Variants in AGTPBP1 observed in about 807,000 individuals in gnomAD.
AGTPBP1 encodes ATP/GTP binding carboxypeptidase 1.
A neutral mutation model predicts 143.9 loss-of-function variants in AGTPBP1; 70 were observed. The ratio of observed to expected loss-of-function variants is 0.49; its 90% CI spans 0.40 to 0.59. The LOEUF (loss-of-function observed/expected upper bound fraction) is 0.59. AGTPBP1 is among the 20% of genes least tolerant of loss of function. The pLI, the probability that AGTPBP1 is intolerant of heterozygous loss-of-function variation, is 0.00. For missense variants in AGTPBP1, 1,229 were observed against 1,464.5 expected (o/e 0.84, Z 2.62); for synonymous variants, 463 against 500.2 (o/e 0.93, Z 0.99).
chr9:85,792,478 C>CT, the AGTPBP1 span, among the ~76,000 whole-genome samples: 2 of 152,206 alleles, frequency 1.3e-5, no homozygotes, highest in African/African-American at 4.8e-5. Flanking sequence ...CATTCAAGGC[C>CT]TGGGGCTAAG....
At chr9:85,722,396 T>C (rs1361540764) in intron 1 of AGTPBP1, among the ~76,000 whole-genome samples, 4 of 152,184 alleles carry the variant, frequency 2.6e-5, no homozygotes, top group African/African-American at 9.7e-5. Context: ...TCTAATCTTG[T>C]CTTCTTGCTT....
At chr9:85,562,535 T>G (rs540433942) in intron 25 of AGTPBP1, among the ~76,000 whole-genome samples, 41 of 152,334 alleles carry the variant, frequency 2.7e-4, no homozygotes, top group African/African-American at 9.6e-4. Context: ...AAAATAATTT[T>G]ATAGATTAGT....
chr9:85,576,203 CTTCT>C (rs1263622269), intron 24 of AGTPBP1, among the ~76,000 whole-genome samples: 2 of 152,104 alleles, frequency 1.3e-5, no homozygotes, highest in African/African-American at 4.8e-5. Flanking sequence ...TAATATACTC[CTTCT>C]TTATCATTTA....
At chr9:85,761,422 A>G in the AGTPBP1 span, among the ~76,000 whole-genome samples, 1 of 152,218 alleles carries the variant, frequency 6.6e-6, no homozygotes, top group Non-Finnish European at 1.5e-5. Flanking sequence ...GTACCAAAAC[A>G]GAGATATAGA....
chr9:85,579,569 T>C (rs1828110545), intron 23 of AGTPBP1, among the ~76,000 whole-genome samples: 1 of 144,914 alleles, frequency 6.9e-6, no homozygotes, highest in African/African-American at 2.7e-5. Context: ...TATAGAAGTA[T>C]ACCCTGAGAA....
chr9:85,723,524 T>C (rs1838269308), intron 1 of AGTPBP1, among the ~76,000 whole-genome samples: 1 of 152,192 alleles, frequency 6.6e-6, no homozygotes, highest in South Asian at 2.1e-4. Flanking sequence ...AATTTCCTGG[T>C]CTGTGGGTTG....
At chr9:85,568,792 T>TA (rs1326978226) in intron 25 of AGTPBP1, among the ~76,000 whole-genome samples, 1 of 152,114 alleles carries the variant, frequency 6.6e-6, no homozygotes, top group African/African-American at 2.4e-5. Flanking sequence ...GGGTTAAGGG[T>TA]AAGCGAGAGG....
At chr9:85,674,414 A>T (rs529208710) in intron 6 of AGTPBP1, among the ~76,000 whole-genome samples, 29 of 152,218 alleles carry the variant, frequency 1.9e-4, no homozygotes, top group African/African-American at 7.0e-4. Flanking sequence ...TATTTTTAAA[A>T]TCAATATCTT....
intron 17 of AGTPBP1, among the ~76,000 whole-genome samples, chr9:85,612,326 T>C (rs1830361764): frequency 6.6e-6 from 1 of 152,040 alleles, no homozygotes; most frequent in Non-Finnish European, 1.5e-5. Context: ...GAGTTAATAA[T>C]CATATCGATG....
chr9:85,547,086 G>T lies in AGTPBP1; in HGVS notation c.*23C>A. The T allele has an allele frequency of 1.9e-6, 3 of 1,577,730 alleles. No homozygotes were observed. In the South Asian group the frequency reaches 3.5e-5, roughly 19 times the overall value. ...CAAGATATTTCATTTATTCTTTGCA[G>T]TTAACAAGAGATGGCAGCGGGCTCA... On this transcript the variant is annotated 3_prime_UTR_variant, in exon 26 of 26. Coordinates refer to ENST00000357081, the MANE Select transcript of AGTPBP1 (RefSeq NM_001330701.2).
intron 2 of AGTPBP1, among the ~76,000 whole-genome samples, chr9:85,701,089 TG>T (rs1464601711): frequency 6.6e-6 from 1 of 151,932 alleles, no homozygotes; most frequent in African/African-American, 2.4e-5. Flanking sequence ...GGCTAAGTTT[TG>T]TATTAGAGAT....
At chr9:85,550,460 G>A (rs1251080853) in intron 25 of AGTPBP1, among the ~76,000 whole-genome samples, 1 of 152,076 alleles carries the variant, frequency 6.6e-6, no homozygotes, top group Non-Finnish European at 1.5e-5. Flanking sequence ...TGGTAATCAT[G>A]TGCTCCTCAT....
Position 85,683,304 on chromosome 9 carries a change from T to C in AGTPBP1, c.158-1969A>G, listed in dbSNP as rs1375124597. Among the ~76,000 whole-genome samples the C allele has an allele frequency of 3.3e-5, 5 of 152,314 alleles. No homozygotes were observed. In the South Asian group the frequency reaches 8.3e-4, roughly 25 times the overall value. On this transcript the variant is annotated intron_variant, in intron 3 of 25. Transcript: ENST00000357081. ...CAGCCCTGCTGCCTCCATCAAAAAA[T>C]GTTGAGTTGCAAAATAAAACATTGT...
intron 2 of AGTPBP1, among the ~76,000 whole-genome samples, chr9:85,697,459 T>TTTTTTTTTTTTG (rs1836332128): frequency 1.5e-5 from 2 of 135,654 alleles, no homozygotes; most frequent in Non-Finnish European, 3.2e-5. Context: ...TTTTTTTTTT[T>TTTTTTTTTTTTG]TTTTTTTTTT....
chr9:85,687,510 C>T (rs1027369815), intron 3 of AGTPBP1, among the ~76,000 whole-genome samples: 1 of 151,738 alleles, frequency 6.6e-6, no homozygotes, highest in South Asian at 2.1e-4. Context: ...TGAAATCAAT[C>T]AAAGTATATT....
the AGTPBP1 span, chr9:85,764,880 T>C: frequency 2.4e-6 from 3 of 1,250,888 alleles, no homozygotes; most frequent in South Asian, 2.4e-5. Context: ...CGAAGACACA[T>C]TTTTAAGATG....
chr9:85,784,700 T>C, the AGTPBP1 span, among the ~76,000 whole-genome samples: 1 of 152,158 alleles, frequency 6.6e-6, no homozygotes, highest in Non-Finnish European at 1.5e-5. Flanking sequence ...GTTCAGGTTA[T>C]TTGATTTTGA....
chr9:85,562,686 T>G (rs1826818229), intron 25 of AGTPBP1, among the ~76,000 whole-genome samples: 1 of 152,240 alleles, frequency 6.6e-6, no homozygotes, highest in Admixed American at 6.5e-5. Flanking sequence ...TATCACAAAT[T>G]CACTTTGAAT....
chr9:85,549,640 A>T (rs1825924051), intron 25 of AGTPBP1, among the ~76,000 whole-genome samples: 1 of 152,236 alleles, frequency 6.6e-6, no homozygotes, highest in African/African-American at 2.4e-5. Context: ...ATGATTTAGG[A>T]GCAAGAAGGA....
Sources: gnomAD v4.1 joint callset for allele counts (sites outside exome capture counted in the v4.1 genomes callset) on GRCh38, gnomAD v4.1.1 for gene constraint, MANE v1.5 for transcripts, NCBI Gene and HGNC (gene_info 2026-07-23, HGNC 2026-07-21) for gene names.